The following STT3B variants were observed in gnomAD, a reference collection of about 807,000 sequenced individuals.
STT3B encodes the protein STT3 oligosaccharyltransferase complex catalytic subunit B.
A neutral mutation model predicts 96.8 loss-of-function variants in STT3B; 29 were observed. The observed-to-expected ratio is 0.30, with a 90% confidence interval of 0.22 to 0.41. STT3B has a LOEUF of 0.41. Ranked by LOEUF, STT3B falls within the 10% of genes least tolerant of loss-of-function variation. STT3B has a pLI of 1.00. For missense variants in STT3B, 640 were observed against 1,022.3 expected, an observed-to-expected ratio of 0.63 and a Z score of 5.10; for synonymous variants, 367 against 360.0, an observed-to-expected ratio of 1.02 and a Z score of -0.22.
At chr3:31,574,657 G>T (rs1451196316) in intron 1 of STT3B, among the ~76,000 whole-genome samples, 1 of 151,966 alleles carries the variant, frequency 6.6e-6, no homozygotes, top group Admixed American at 6.6e-5. Context: ...CATGTTGTTG[G>T]CACACAAAGT....
chr3:31,534,827 C>G (rs1484508083), intron 1 of STT3B, among the ~76,000 whole-genome samples: 2 of 152,028 alleles, frequency 1.3e-5, no homozygotes, highest in Non-Finnish European at 2.9e-5. Context: ...TAAAAAATAA[C>G]CTTTTTGTTA....
chr3:31,569,247 C>A (rs1698081194), intron 1 of STT3B, among the ~76,000 whole-genome samples: 1 of 152,186 alleles, frequency 6.6e-6, no homozygotes, highest in Non-Finnish European at 1.5e-5. Flanking sequence ...CTGCCTCAGG[C>A]TCCCAAGTAG....
intron 5 of STT3B, among the ~76,000 whole-genome samples, chr3:31,610,021 AAG>A (rs1699146480): frequency 6.6e-6 from 1 of 152,212 alleles, no homozygotes; most frequent in Non-Finnish European, 1.5e-5. Flanking sequence ...GTCCTTGGAA[AAG>A]AGAAATGATT....
chr3:31,578,913 G>T (rs1255302426), intron 2 of STT3B, among the ~76,000 whole-genome samples: 1 of 152,080 alleles, frequency 6.6e-6, no homozygotes, highest in East Asian at 1.9e-4. Context: ...GGGGGAGAGA[G>T]GTTGCAGTTG....
At chr3:31,534,714 T>C (rs1445742997) in intron 1 of STT3B, among the ~76,000 whole-genome samples, 1 of 152,252 alleles carries the variant, frequency 6.6e-6, no homozygotes, top group Non-Finnish European at 1.5e-5. Flanking sequence ...GGCCCACTCA[T>C]GGACAATTCA....
intron 3 of STT3B, among the ~76,000 whole-genome samples, chr3:31,589,366 G>A (rs926056680): frequency 6.6e-5 from 10 of 151,764 alleles, no homozygotes; most frequent in African/African-American, 1.9e-4. Flanking sequence ...GGTCTTTTAC[G>A]TAGACAATCA....
chr3:31,625,380 C>T (rs1442021477), intron 12 of STT3B, among the ~76,000 whole-genome samples: 1 of 152,040 alleles, frequency 6.6e-6, no homozygotes, highest in Non-Finnish European at 1.5e-5. Flanking sequence ...TTGTATTTTT[C>T]GTGTTATAAA....
chr3:31,536,204 G>A (rs1697091051), intron 1 of STT3B, among the ~76,000 whole-genome samples: 1 of 149,118 alleles, frequency 6.7e-6, no homozygotes, highest in African/African-American at 2.5e-5. Flanking sequence ...TTATTACTTT[G>A]GGCTTTTAAA....
At chr3:31,568,025 T>G (rs1201558898) in intron 1 of STT3B, among the ~76,000 whole-genome samples, 1 of 151,946 alleles carries the variant, frequency 6.6e-6, no homozygotes, top group Non-Finnish European at 1.5e-5. Context: ...TCCCAGCCTC[T>G]GGTAATCATC....
At chr3:31,546,051 A>G (rs1226711980) in intron 1 of STT3B, among the ~76,000 whole-genome samples, 2 of 152,102 alleles carry the variant, frequency 1.3e-5, no homozygotes, top group Non-Finnish European at 2.9e-5. Context: ...TTGAATATCC[A>G]GTTTTTTTTC....
chr3:31,563,833 C>T (rs116241182), intron 1 of STT3B, among the ~76,000 whole-genome samples: 3,966 of 152,208 alleles, frequency 0.026, 175 homozygotes, highest in African/African-American at 0.091. Context: ...GAGATGGAGT[C>T]TTGCTCTGTC....
chr3:31,550,624 A>T (rs1697527573), intron 1 of STT3B, among the ~76,000 whole-genome samples: 1 of 152,214 alleles, frequency 6.6e-6, no homozygotes, highest in Admixed American at 6.5e-5. Flanking sequence ...GCTGTTACTT[A>T]AACACTGATA....
chr3:31,570,662 T>A (rs753305630), intron 1 of STT3B, among the ~76,000 whole-genome samples: 6 of 152,278 alleles, frequency 3.9e-5, no homozygotes, highest in South Asian at 2.1e-4. Flanking sequence ...TACCTTTTTT[T>A]AAAAAGTGAT....
At chr3:31,576,065 G>A (rs1008853797) in intron 1 of STT3B, among the ~76,000 whole-genome samples, 3 of 151,950 alleles carry the variant, frequency 2.0e-5, no homozygotes, top group African/African-American at 4.8e-5. Context: ...TGAGTGTACC[G>A]TTTCTTCCAT....
chr3:31,634,173 T>C (rs1475076875), intron 15 of STT3B, among the ~76,000 whole-genome samples: 1 of 152,206 alleles, frequency 6.6e-6, no homozygotes, highest in Non-Finnish European at 1.5e-5. Flanking sequence ...GTTAGTCATA[T>C]GAAACTCATT....
chr3:31,615,067 G>A, intron 5 of STT3B, 38 bp from the exon 6 acceptor site: 1 of 1,263,640 alleles, frequency 7.9e-7, no homozygotes, highest in Admixed American at 1.9e-5. Context: ...CTTAATGGTA[G>A]TAGTAAATTA....
At chr3:31,598,766 C>T (rs573109267) in intron 4 of STT3B, among the ~76,000 whole-genome samples, 1 of 151,832 alleles carries the variant, frequency 6.6e-6, no homozygotes, top group South Asian at 2.1e-4. Context: ...AGAGTCATTA[C>T]CGAAATAATG....
chr3:31,626,893 G>C (rs530439189), intron 13 of STT3B, among the ~76,000 whole-genome samples: 1 of 152,022 alleles, frequency 6.6e-6, no homozygotes, highest in African/African-American at 2.4e-5. Context: ...GCCTTCCTTT[G>C]CTGGTGTCTT....
chr3:31,623,868 AAAT>A lies in STT3B; in HGVS notation c.1727+10_1727+12del. ...CCTCATACAATCATGATGGGTAAGA[AAAT>A]AACTCGGATACAAAAACATTTTATA... On this transcript the variant is annotated splice_region_variant and intron_variant, in intron 11 of 15. Transcript: ENST00000295770. 6.4e-7 allele frequency: 1 copy of A among 1,574,054 alleles called. No homozygotes were observed. The highest frequency in any genetic ancestry group is 1.2e-5 in the South Asian group (1 of 85,468).
Sources: gnomAD v4.1 joint callset for allele counts (sites outside exome capture counted in the v4.1 genomes callset) on GRCh38, gnomAD v4.1.1 for gene constraint, MANE v1.5 for transcripts, NCBI Gene and HGNC (gene_info 2026-07-23, HGNC 2026-07-21) for gene names.